Variants in RUNDC3B observed in about 807,000 individuals in gnomAD.
RUNDC3B encodes RUN domain containing 3B.
Under a neutral mutation model 58.4 loss-of-function variants are expected in RUNDC3B, and 33 were observed. That is an observed-to-expected ratio of 0.56 (90% CI 0.43 to 0.75). The LOEUF is 0.75. RUNDC3B is among the 30% of genes least tolerant of loss of function. The probability of loss-of-function intolerance (pLI) is 0.00; values close to 1 mark genes in which losing one functional copy is unlikely to be tolerated. For synonymous variants in RUNDC3B, 193 were observed against 195.2 expected, an observed-to-expected ratio of 0.99 and a Z score of 0.10; for missense variants, 501 against 535.7, an observed-to-expected ratio of 0.94 and a Z score of 0.64.
At chr7:87,761,704 G>A (rs1833693054) in intron 6 of RUNDC3B, among the ~76,000 whole-genome samples, 1 of 151,794 alleles carries the variant, frequency 6.6e-6, no homozygotes. Flanking sequence ...TAGGTGAAAG[G>A]CGTCAAACAC....
chr7:87,684,619 G>A (rs765030166), intron 2 of RUNDC3B, among the ~76,000 whole-genome samples: 19 of 151,812 alleles, frequency 1.3e-4, no homozygotes, highest in Non-Finnish European at 2.7e-4. Context: ...ATGGTAGCAC[G>A]TGCCTGTAGC....
At chr7:87,754,620 A>C (rs192344781) in intron 6 of RUNDC3B, among the ~76,000 whole-genome samples, 18 of 152,290 alleles carry the variant, frequency 1.2e-4, no homozygotes, top group African/African-American at 4.1e-4. Context: ...GACACACACA[A>C]AAAAATTCAA....
At chr7:87,691,862 T>G (rs147838121) in intron 2 of RUNDC3B, among the ~76,000 whole-genome samples, 1 of 152,186 alleles carries the variant, frequency 6.6e-6, no homozygotes, top group Non-Finnish European at 1.5e-5. Flanking sequence ...GAAAACCGAT[T>G]GCTGGGTCTT....
intron 10 of RUNDC3B, among the ~76,000 whole-genome samples, chr7:87,822,129 C>T (rs1462192349): frequency 6.6e-5 from 10 of 152,178 alleles, no homozygotes; most frequent in South Asian, 2.1e-4. Context: ...AGAAAATTTC[C>T]GCAACCTACT....
chr7:87,773,671 G>GTTTT (rs778980248), intron 7 of RUNDC3B, among the ~76,000 whole-genome samples: 5,932 of 151,412 alleles, frequency 0.039, 174 homozygotes, highest in Non-Finnish European at 0.057. Context: ...GTTTTGTTTT[G>GTTTT]TTTTGTTTTG....
intron 2 of RUNDC3B, among the ~76,000 whole-genome samples, chr7:87,679,388 C>A (rs563775237): frequency 6.7e-6 from 1 of 149,190 alleles, no homozygotes; most frequent in South Asian, 2.1e-4. Context: ...CCACCGTGCC[C>A]GGCCCCCAAC....
At chr7:87,763,997 T>C (rs1833839314) in intron 6 of RUNDC3B, among the ~76,000 whole-genome samples, 1 of 151,876 alleles carries the variant, frequency 6.6e-6, no homozygotes, top group Non-Finnish European at 1.5e-5. Context: ...ATTACATCTA[T>C]GAAATTATAA....
intron 4 of RUNDC3B, among the ~76,000 whole-genome samples, chr7:87,721,993 C>T (rs896533449): frequency 6.6e-4 from 100 of 152,114 alleles, no homozygotes; most frequent in African/African-American, 2.4e-3. Flanking sequence ...AAGAAACTCT[C>T]ATTTTTAAAT....
intron 4 of RUNDC3B, among the ~76,000 whole-genome samples, chr7:87,732,013 A>G (rs1453297525): frequency 6.6e-6 from 1 of 152,240 alleles, no homozygotes; most frequent in East Asian, 1.9e-4. Flanking sequence ...ATGTTATGTC[A>G]CAAAGCTAGC....
chr7:87,700,113 A>G (rs1408856884), intron 2 of RUNDC3B, among the ~76,000 whole-genome samples: 15 of 152,140 alleles, frequency 9.9e-5, no homozygotes, highest in Non-Finnish European at 2.9e-5. Flanking sequence ...AAGCGACTGT[A>G]TTAGACAAAT....
chr7:87,739,218 A>C (rs1439818555), intron 4 of RUNDC3B, among the ~76,000 whole-genome samples: 2 of 151,994 alleles, frequency 1.3e-5, no homozygotes, highest in African/African-American at 4.8e-5. Context: ...GAGATATTGA[A>C]TACTTTCTTT....
chr7:87,665,894 A>G (rs1191706698), intron 2 of RUNDC3B, among the ~76,000 whole-genome samples: 2 of 152,142 alleles, frequency 1.3e-5, no homozygotes, highest in Non-Finnish European at 2.9e-5. Context: ...ATAGCTGTAT[A>G]GTACTCCATG....
intron 3 of RUNDC3B, among the ~76,000 whole-genome samples, chr7:87,705,767 G>A (rs570423751): frequency 7.2e-5 from 11 of 152,054 alleles, no homozygotes; most frequent in Non-Finnish European, 1.5e-4. Flanking sequence ...CTGCTCTTGG[G>A]TCATATGCTC....
chr7:87,707,979 C>T (rs1829756555), intron 3 of RUNDC3B, among the ~76,000 whole-genome samples: 1 of 151,828 alleles, frequency 6.6e-6, no homozygotes, highest in African/African-American at 2.4e-5. Flanking sequence ...TTGGAAAGTA[C>T]TGATAATGAA....
At chr7:87,764,189 C>A (rs1833848780) in intron 6 of RUNDC3B, among the ~76,000 whole-genome samples, 1 of 151,738 alleles carries the variant, frequency 6.6e-6, no homozygotes, top group African/African-American at 2.4e-5. Context: ...AAAGACCAAA[C>A]TGATATTTTT....
chr7:87,772,703 A>G (rs543525280), intron 7 of RUNDC3B, among the ~76,000 whole-genome samples: 5 of 152,330 alleles, frequency 3.3e-5, no homozygotes, highest in East Asian at 3.9e-4. Flanking sequence ...AAGGGAGCAC[A>G]TTAGAAAAAA....
In RUNDC3B at chr7:87,830,229, C is replaced by A. The variant is rs555465383; in HGVS notation, c.*199C>A. On this transcript the variant is annotated 3_prime_UTR_variant, in exon 11 of 11. Transcript: ENST00000394654. ...CCATTTTTCATTTTTAAAATTCTTA[C>A]ATTTGTCATTGAGAAAGTTCAAAAT... The A allele has an allele frequency of 4.6e-4, 160 of 347,384 alleles. No individual in the cohort carries two copies. Among genetic ancestry groups the A allele is most frequent in the African/African-American group, 3.0e-3 (142 of 46,862 alleles). 21.5% of individuals were successfully genotyped at this position (347,384 alleles called of 1,614,324 possible).
intron 8 of RUNDC3B, among the ~76,000 whole-genome samples, chr7:87,794,358 C>G (rs2130911825): frequency 6.6e-6 from 1 of 152,162 alleles, no homozygotes; most frequent in East Asian, 1.9e-4. Flanking sequence ...TTGCTTGAAC[C>G]CAGGAGGCGG....
chr7:87,762,769 G>A (rs1339779949), intron 6 of RUNDC3B, among the ~76,000 whole-genome samples: 1 of 151,190 alleles, frequency 6.6e-6, no homozygotes, highest in African/African-American at 2.4e-5. Context: ...TTCCAGATAT[G>A]TCAATATATT....
Sources: allele counts gnomAD v4.1 joint callset (sites outside exome capture counted in the v4.1 genomes callset), GRCh38; gene constraint gnomAD v4.1.1; transcripts MANE v1.5; gene names NCBI Gene and HGNC (gene_info 2026-07-23, HGNC 2026-07-21).